Variants in TXNRD1 observed in about 807,000 individuals in gnomAD.
TXNRD1 encodes thioredoxin reductase 1.
In TXNRD1, 57 loss-of-function variants were observed where a neutral mutation model predicts 80.3. The ratio of observed to expected loss-of-function variants is 0.71; its 90% CI spans 0.57 to 0.89. The LOEUF (loss-of-function observed/expected upper bound fraction) is 0.89. Ranked by LOEUF, TXNRD1 falls within the 40% of genes least tolerant of loss-of-function variation. The pLI, the probability that TXNRD1 is intolerant of heterozygous loss-of-function variation, is 0.00. For synonymous variants in TXNRD1, 291 were observed against 285.2 expected (o/e 1.02, Z -0.20); for missense variants, 730 against 803.0 (o/e 0.91, Z 1.10).
At chr12:104,302,270 A>G (rs556439068) in intron 4 of TXNRD1, among the ~76,000 whole-genome samples, 2 of 152,312 alleles carry the variant, frequency 1.3e-5, no homozygotes, top group African/African-American at 4.8e-5. Context: ...TTTACAAAAA[A>G]CTTTCTGCTA....
At chr12:104,309,237 A>T (rs1166792353) in intron 4 of TXNRD1, among the ~76,000 whole-genome samples, 2 of 152,098 alleles carry the variant, frequency 1.3e-5, no homozygotes, top group Admixed American at 6.6e-5. Context: ...GAATGCTTCA[A>T]TTGCCTGTGT....
intron 1 of TXNRD1, among the ~76,000 whole-genome samples, chr12:104,249,935 CAAAAA>C (rs59924751): frequency 9.8e-6 from 1 of 102,544 alleles, no homozygotes; most frequent in Non-Finnish European, 1.9e-5. Context: ...GACGCCGTCT[CAAAAA>C]AAAAAAAAAA....
At chr12:104,251,040 A>G (rs905711634) in intron 1 of TXNRD1, among the ~76,000 whole-genome samples, 2 of 152,202 alleles carry the variant, frequency 1.3e-5, no homozygotes, top group African/African-American at 4.8e-5. Context: ...ATCTTGCCTG[A>G]AGATCCTGTG....
intron 3 of TXNRD1, among the ~76,000 whole-genome samples, chr12:104,281,867 T>G (rs1481979521): frequency 1.3e-5 from 2 of 152,184 alleles, no homozygotes; most frequent in Non-Finnish European, 2.9e-5. Flanking sequence ...TGATGATGGA[T>G]GTGACCCCTG....
chr12:104,269,319 A>G (rs1472806956), intron 3 of TXNRD1, among the ~76,000 whole-genome samples: 1 of 151,616 alleles, frequency 6.6e-6, no homozygotes, highest in Non-Finnish European at 1.5e-5. Context: ...CAAATTTTAC[A>G]TGAGATTACA....
chr12:104,340,707 T>C (rs1011281407), intron 16 of TXNRD1, among the ~76,000 whole-genome samples: 3 of 152,192 alleles, frequency 2.0e-5, no homozygotes, highest in Non-Finnish European at 2.9e-5. Context: ...GTCATTGGAT[T>C]AGGGCCCACT....
At chr12:104,333,093 C>A (rs1426011245) in intron 14 of TXNRD1, among the ~76,000 whole-genome samples, 1 of 151,764 alleles carries the variant, frequency 6.6e-6, no homozygotes, top group East Asian at 1.9e-4. Context: ...TGTAATTCTT[C>A]TTTTAAGGGG....
chr12:104,342,239 G>T (rs1029536703), intron 16 of TXNRD1, among the ~76,000 whole-genome samples: 1 of 152,080 alleles, frequency 6.6e-6, no homozygotes, highest in Admixed American at 6.6e-5. Flanking sequence ...TGACATGGTT[G>T]GTTCCTCTGG....
At chr12:104,303,647 C>G (rs1054876575) in intron 4 of TXNRD1, 2 of 414,674 alleles carry the variant, frequency 4.8e-6, no homozygotes, top group South Asian at 7.4e-5. Flanking sequence ...TGAGCGAGCG[C>G]CTCGGCTTGT....
intron 1 of TXNRD1, among the ~76,000 whole-genome samples, chr12:104,225,805 C>G (rs1340449335): frequency 2.0e-5 from 3 of 151,880 alleles, no homozygotes; most frequent in African/African-American, 7.3e-5. Context: ...TTCCTCCATC[C>G]CTTCATAAGA....
chr12:104,323,503 C>T (rs1206346921), intron 10 of TXNRD1, among the ~76,000 whole-genome samples: 1 of 147,100 alleles, frequency 6.8e-6, no homozygotes, highest in East Asian at 2.0e-4. Context: ...CCTCACCTCC[C>T]GGACGGGGCG....
chr12:104,223,666 A>G (rs527483454), intron 1 of TXNRD1, among the ~76,000 whole-genome samples: 3 of 152,166 alleles, frequency 2.0e-5, no homozygotes, highest in Non-Finnish European at 4.4e-5. Flanking sequence ...GGGTGTGTCC[A>G]GTTGAAGCAG....
At chr12:104,220,460 A>AT (rs112769616) in intron 1 of TXNRD1, among the ~76,000 whole-genome samples, 2,472 of 152,296 alleles carry the variant, frequency 0.016, 42 homozygotes, top group South Asian at 0.072. Context: ...GCGGTAGATC[A>AT]TGCCTGTAAT....
At chr12:104,269,196 T>A (rs1038336329) in intron 3 of TXNRD1, among the ~76,000 whole-genome samples, 3 of 152,086 alleles carry the variant, frequency 2.0e-5, no homozygotes, top group Non-Finnish European at 4.4e-5. Context: ...TGAACCACTG[T>A]GCCCAGCCCT....
At position 104,264,238 on chromosome 12, in the gene TXNRD1, G is replaced by A. The variant is rs1237291884; in HGVS notation, c.304+6159G>A. 2.0e-5 allele frequency among the ~76,000 whole-genome samples: 3 copies of A among 152,204 alleles called. No homozygotes were observed. In the East Asian group the frequency reaches 5.8e-4, roughly 29 times the overall value. On this transcript the variant is annotated intron_variant, in intron 3 of 16. Coordinates refer to ENST00000525566, the MANE Select transcript of TXNRD1 (RefSeq NM_001093771.3). ...CCTCTGCCTCACTTCCAATTTCAGT[G>A]TAATCTGGTATCTCTAAAGGCTGTA...
intron 4 of TXNRD1, chr12:104,290,961 T>G (rs1445165174): frequency 4.6e-6 from 3 of 653,768 alleles, no homozygotes; most frequent in Non-Finnish European, 8.1e-6. Flanking sequence ...TGTTTTTTCT[T>G]TTTTTTTAAT....
chr12:104,311,510 T>C (rs2035132156), intron 5 of TXNRD1, 98 bp downstream of exon 5: 5 of 1,456,582 alleles, frequency 3.4e-6, no homozygotes, highest in Admixed American at 2.3e-5. Context: ...GGAATTTATT[T>C]GATCCACTCC....
At chr12:104,269,035 G>C (rs1004855072) in intron 3 of TXNRD1, among the ~76,000 whole-genome samples, 1 of 150,156 alleles carries the variant, frequency 6.7e-6, no homozygotes, top group African/African-American at 2.5e-5. Context: ...CTACTGGGTA[G>C]CTGGGATTAC....
Position 104,321,076 on chromosome 12 carries a change from T to C in TXNRD1, c.990-15T>C. On this transcript the variant is annotated splice_polypyrimidine_tract_variant and intron_variant, in intron 9 of 16. Transcript: ENST00000525566. ...TCTTTTTCTTCTTTCTTCCTTTTTT[T>C]TTTTTTTCCCCCAGTGATGATCTTT... The C allele has an allele frequency of 6.5e-7, 1 of 1,535,976 alleles. No homozygotes were observed. Among genetic ancestry groups the C allele is most frequent in the African/African-American group, 1.4e-5 (1 of 71,658 alleles).
Sources: allele counts gnomAD v4.1 joint callset (sites outside exome capture counted in the v4.1 genomes callset), GRCh38; gene constraint gnomAD v4.1.1; transcripts MANE v1.5; gene names NCBI Gene and HGNC (gene_info 2026-07-23, HGNC 2026-07-21).